PVT1: variants seen among roughly 807,000 people sequenced by gnomAD.
PVT1 encodes the protein CXCR4/PVT1 fusion.
chr8:127,887,284 C>G (rs1815534054), intron 2 of PVT1, among the ~76,000 whole-genome samples: 1 of 152,174 alleles, frequency 6.6e-6, no homozygotes, highest in Non-Finnish European at 1.5e-5. Context: ...TACTCTCAGA[C>G]TAAAATTGAC....
chr8:128,087,478 C>G (rs988893575), intron 5 of PVT1, among the ~76,000 whole-genome samples: 1 of 152,284 alleles, frequency 6.6e-6, no homozygotes, highest in East Asian at 1.9e-4. Context: ...GTCCCTCCCC[C>G]AGGCTGTTAT....
chr8:128,035,267 G>T (rs1041568217), intron 4 of PVT1, among the ~76,000 whole-genome samples: 2 of 152,204 alleles, frequency 1.3e-5, no homozygotes, highest in East Asian at 3.9e-4. Context: ...TGCAATAGCT[G>T]TGGGAACACA....
intron 2 of PVT1, among the ~76,000 whole-genome samples, chr8:127,865,448 C>T (rs1404096963): frequency 6.6e-6 from 1 of 152,078 alleles, no homozygotes; most frequent in Non-Finnish European, 1.5e-5. Flanking sequence ...AGAGGGAGAT[C>T]CTTTTAGATT....
Position 127,989,723 on chromosome 8 carries a change from C to T in PVT1, n.912+432C>T, listed in dbSNP as rs554270544. On this transcript the variant is annotated intron_variant and non_coding_transcript_variant, in intron 4 of 10. Coordinates refer to ENST00000651587, the Ensembl canonical transcript of PVT1. ...CTTTCCCAGCCAATCCGTGCTTCCT[C>T]CTTTCACCTCCTTGAATTCTATGCT... Among the ~76,000 whole-genome samples, 11 of 152,264 alleles carry T rather than the reference C, an allele frequency of 7.2e-5. No individual in the cohort carries two copies. In the South Asian group the frequency reaches 2.3e-3, roughly 32 times the overall value.
At chr8:127,951,686 T>A (rs1816507349) in intron 3 of PVT1, among the ~76,000 whole-genome samples, 1 of 152,210 alleles carries the variant, frequency 6.6e-6, no homozygotes, top group African/African-American at 2.4e-5. Context: ...AGGGAAGAAC[T>A]GTTTGCCCTA....
intron 2 of PVT1, among the ~76,000 whole-genome samples, chr8:127,884,057 C>T (rs1406044757): frequency 2.0e-5 from 3 of 152,172 alleles, no homozygotes; most frequent in East Asian, 1.9e-4. Context: ...ATATGTGTAT[C>T]GATAGCTTGA....
intron 3 of PVT1, among the ~76,000 whole-genome samples, chr8:127,936,034 C>CTTTTTTTTTTTTT (rs937905808): frequency 4.5e-4 from 46 of 101,232 alleles, no homozygotes; most frequent in African/African-American, 7.1e-4. Context: ...CTCTCTCTCT[C>CTTTTTTTTTTTTT]TTTTTTTTTT....
chr8:128,022,615 A>G (rs1188723430), intron 4 of PVT1, among the ~76,000 whole-genome samples: 2 of 152,216 alleles, frequency 1.3e-5, no homozygotes, highest in Non-Finnish European at 1.5e-5. Context: ...CTTTGTACCC[A>G]TGATATCTGA....
chr8:127,951,374 G>C (rs189578530), intron 3 of PVT1, among the ~76,000 whole-genome samples: 1 of 152,332 alleles, frequency 6.6e-6, no homozygotes, highest in East Asian at 1.9e-4. Flanking sequence ...CCGTGCACTA[G>C]CAGAGAGCTC....
chr8:128,066,820 A>G (rs1258340267), intron 4 of PVT1, among the ~76,000 whole-genome samples: 1 of 152,112 alleles, frequency 6.6e-6, no homozygotes, highest in Admixed American at 6.5e-5. Context: ...GCACTGCTTT[A>G]TGTGGTCTTC....
intron 2 of PVT1, among the ~76,000 whole-genome samples, chr8:127,812,567 A>G (rs1420964373): frequency 6.7e-6 from 1 of 150,366 alleles, no homozygotes; most frequent in Non-Finnish European, 1.5e-5. Context: ...CAAAAAAAGA[A>G]AAGAAAGAAA....
intron 4 of PVT1, among the ~76,000 whole-genome samples, chr8:128,003,559 T>C (rs1817211009): frequency 6.6e-6 from 1 of 152,238 alleles, no homozygotes; most frequent in Non-Finnish European, 1.5e-5. Context: ...TTGCCCAGGC[T>C]GGTCTTGAAG....
chr8:128,017,417 A>C (rs1817386165), intron 4 of PVT1, among the ~76,000 whole-genome samples: 1 of 152,094 alleles, frequency 6.6e-6, no homozygotes, highest in African/African-American at 2.4e-5. Flanking sequence ...ACACAACTAC[A>C]TGGCCAGCTG....
At chr8:127,914,500 A>G (rs1208097023) in intron 3 of PVT1, among the ~76,000 whole-genome samples, 1 of 152,142 alleles carries the variant, frequency 6.6e-6, no homozygotes, top group Non-Finnish European at 1.5e-5. Context: ...GTCCACAAAA[A>G]GCTTTTACAG....
chr8:127,994,445 C>T (rs1016347887), intron 4 of PVT1, among the ~76,000 whole-genome samples: 15 of 152,134 alleles, frequency 9.9e-5, no homozygotes, highest in African/African-American at 3.6e-4. Flanking sequence ...CTGAGATAGG[C>T]TATGAGGAGT....
At chr8:127,912,917 T>C (rs894167639) in intron 3 of PVT1, among the ~76,000 whole-genome samples, 9 of 152,238 alleles carry the variant, frequency 5.9e-5, no homozygotes, top group African/African-American at 2.2e-4. Context: ...AGGCTGGTCT[T>C]GAACTCCTGA....
intron 3 of PVT1, among the ~76,000 whole-genome samples, chr8:127,928,663 G>C (rs1816162025): frequency 6.6e-6 from 1 of 152,226 alleles, no homozygotes; most frequent in Non-Finnish European, 1.5e-5. Flanking sequence ...GGTGGCAACT[G>C]GTTGTTTCCA....
chr8:127,828,345 A>C (rs532508920), intron 2 of PVT1, among the ~76,000 whole-genome samples: 1 of 152,246 alleles, frequency 6.6e-6, no homozygotes, highest in South Asian at 2.1e-4. Context: ...GGTGAGACTT[A>C]TTATTAGCTG....
intron 5 of PVT1, among the ~76,000 whole-genome samples, chr8:128,071,848 A>G (rs1814000408): frequency 6.6e-6 from 1 of 152,140 alleles, no homozygotes; most frequent in Non-Finnish European, 1.5e-5. Flanking sequence ...GAGCATTGAT[A>G]TATTATTGCT....
Sources: gnomAD v4.1 joint callset for allele counts (sites outside exome capture counted in the v4.1 genomes callset) on GRCh38, gnomAD v4.1.1 for gene constraint, MANE v1.5 for transcripts, NCBI Gene and HGNC (gene_info 2026-07-23, HGNC 2026-07-21) for gene names.